ARMC2: variants seen among roughly 807,000 people sequenced by gnomAD.
ARMC2 encodes the protein armadillo repeat containing 2.
In ARMC2, 67 loss-of-function variants were observed where a neutral mutation model predicts 90.3. The ratio of observed to expected loss-of-function variants is 0.74; its 90% CI spans 0.61 to 0.91. ARMC2 has a LOEUF of 0.91. Ranked by LOEUF, ARMC2 falls within the 40% of genes least tolerant of loss-of-function variation. The probability of loss-of-function intolerance (pLI) is 0.00; values close to 1 mark genes in which losing one functional copy is unlikely to be tolerated. For synonymous variants in ARMC2, 393 were observed against 393.0 expected, an observed-to-expected ratio of 1.00 and a Z score of 0.00; for missense variants, 920 against 1,030.9, an observed-to-expected ratio of 0.89 and a Z score of 1.47.
chr6:109,023,597 A>G, the ARMC2 span, among the ~76,000 whole-genome samples: 11 of 152,190 alleles, frequency 7.2e-5, no homozygotes, highest in Non-Finnish European at 1.6e-4. Context: ...TTGGGGAAGT[A>G]TGTTTGGGGA....
At chr6:108,918,355 G>A (rs1043775424) in intron 10 of ARMC2, among the ~76,000 whole-genome samples, 10 of 152,288 alleles carry the variant, frequency 6.6e-5, no homozygotes, top group South Asian at 4.1e-4. Context: ...GGAGCCGTGC[G>A]AATAGGCGAG....
chr6:108,974,623 G>A (rs1239446152), downstream of ARMC2, among the ~76,000 whole-genome samples: 1 of 152,068 alleles, frequency 6.6e-6, no homozygotes, highest in East Asian at 1.9e-4. Flanking sequence ...AGACCAGCCT[G>A]GGCAACAAAG....
chr6:108,906,134 A>T (rs1377591113), intron 8 of ARMC2, among the ~76,000 whole-genome samples: 10 of 152,220 alleles, frequency 6.6e-5, no homozygotes, highest in African/African-American at 2.4e-4. Flanking sequence ...CAGTCATCTT[A>T]ATTTTAATCT....
chr6:109,000,993 T>C, the ARMC2 span, among the ~76,000 whole-genome samples: 1 of 152,206 alleles, frequency 6.6e-6, no homozygotes, highest in Non-Finnish European at 1.5e-5. Flanking sequence ...ATTATTTACA[T>C]CTTGAACAGG....
chr6:108,875,594 C>G (rs59442975), intron 4 of ARMC2, among the ~76,000 whole-genome samples: 2,594 of 152,288 alleles, frequency 0.017, 84 homozygotes, highest in African/African-American at 0.06. Context: ...TGAGCCTTCC[C>G]TACTTTTATA....
chr6:108,992,839 C>T, the ARMC2 span: 1 of 1,613,644 alleles, frequency 6.2e-7, no homozygotes. Context: ...ATCTTTATAG[C>T]CATAACTAGT....
chr6:108,850,043 T>G (rs1773846102), intron 1 of ARMC2, among the ~76,000 whole-genome samples: 2 of 152,238 alleles, frequency 1.3e-5, no homozygotes. Flanking sequence ...AGTGCAGTGT[T>G]GCATTTAGCA....
intron 8 of ARMC2, chr6:108,907,598 G>A (rs112040297): frequency 0.084 from 130,077 of 1,547,778 alleles, 6,210 homozygotes; most frequent in Non-Finnish European, 0.097. Context: ...GGGGTGCAGA[G>A]CGTGTCCTCT....
At chr6:108,861,554 T>C (rs1426554895) in intron 3 of ARMC2, among the ~76,000 whole-genome samples, 1 of 152,230 alleles carries the variant, frequency 6.6e-6, no homozygotes, top group East Asian at 1.9e-4. Flanking sequence ...TTTATCAGAA[T>C]GCCTCTGTGA....
the ARMC2 span, among the ~76,000 whole-genome samples, chr6:108,986,135 C>T: frequency 6.6e-6 from 1 of 152,180 alleles, no homozygotes; most frequent in Non-Finnish European, 1.5e-5. Context: ...TGATGAGTGT[C>T]ATTTTTTGTT....
At chr6:108,950,211 CA>C (rs1777081576) in intron 12 of ARMC2, among the ~76,000 whole-genome samples, 1 of 151,698 alleles carries the variant, frequency 6.6e-6, no homozygotes, top group Non-Finnish European at 1.5e-5. Flanking sequence ...GTCTCAAAAA[CA>C]AAAACAAAAA....
At chr6:108,915,922 C>T (rs894160963) in intron 10 of ARMC2, among the ~76,000 whole-genome samples, 1 of 152,078 alleles carries the variant, frequency 6.6e-6, no homozygotes, top group African/African-American at 2.4e-5. Flanking sequence ...AGAACGTATC[C>T]GTGATACATG....
chr6:108,965,521 A>T (rs922335873), intron 17 of ARMC2, among the ~76,000 whole-genome samples: 2 of 152,228 alleles, frequency 1.3e-5, no homozygotes, highest in African/African-American at 4.8e-5. Flanking sequence ...AAATGAAGCT[A>T]TACATTTTAA....
chr6:108,978,518 G>A (rs919104943), downstream of ARMC2, among the ~76,000 whole-genome samples: 1 of 152,108 alleles, frequency 6.6e-6, no homozygotes, highest in Non-Finnish European at 1.5e-5. Context: ...GGTCCACTTG[G>A]TCCAGAGCTA....
chr6:108,852,083 A>T (rs1029260209), intron 1 of ARMC2, among the ~76,000 whole-genome samples: 23 of 152,134 alleles, frequency 1.5e-4, no homozygotes, highest in African/African-American at 5.6e-4. Context: ...CTGTAGGACT[A>T]TTGTGTTATG....
chr6:108,906,941 G>A (rs1772801761), intron 8 of ARMC2, among the ~76,000 whole-genome samples: 1 of 152,190 alleles, frequency 6.6e-6, no homozygotes, highest in African/African-American at 2.4e-5. Context: ...AGGAAAGGGA[G>A]AGTAACAGGG....
At chr6:108,934,655 T>C (rs1350907332) in intron 11 of ARMC2, among the ~76,000 whole-genome samples, 1 of 152,208 alleles carries the variant, frequency 6.6e-6, no homozygotes, top group Non-Finnish European at 1.5e-5. Context: ...TGTGTGAATA[T>C]TGTTGACTAC....
rs957663376 is a variant in ARMC2, at chr6:108,899,709, T to G, written c.764T>G (p.Leu255Arg). The change falls in exon 7 of 18, where the codon CTG becomes CGG. Residue 255 changes from leucine (L) to arginine (R), a missense_variant. By Grantham distance (102) the Leu-to-Arg change is moderately radical. Coordinates refer to ENST00000392644, the MANE Select transcript of ARMC2 (RefSeq NM_032131.6). ...LQTKAVPKADLQEEDAEIEVD... is the reference protein window; with the variant it reads ...LQTKAVPKADRQEEDAEIEVD... ...TCTTTTGCAGTCCCAAAAGCTGACC[T>G]GCAAGAAGAGGACGCAGAAATAGAA... is the stretch of plus-strand genomic sequence containing the variant. 20 of 1,613,558 alleles carry G rather than the reference T, an allele frequency of 1.2e-5. No individual in the cohort carries two copies. The highest frequency in any genetic ancestry group is 1.6e-5 in the Non-Finnish European group (19 of 1,179,716).
chr6:108,933,806 C>T (rs1688208024), intron 11 of ARMC2, among the ~76,000 whole-genome samples: 1 of 152,110 alleles, frequency 6.6e-6, no homozygotes, highest in African/African-American at 2.4e-5. Context: ...GTGGGTTTGT[C>T]ATAGATGGCA....
Sources: allele counts gnomAD v4.1 joint callset (sites outside exome capture counted in the v4.1 genomes callset), GRCh38; gene constraint gnomAD v4.1.1; transcripts MANE v1.5; gene names NCBI Gene and HGNC (gene_info 2026-07-23, HGNC 2026-07-21).